Variants in GULP1 observed in about 807,000 individuals in gnomAD.
The protein encoded by GULP1 is PTB domain-containing engulfment adapter protein 1.
GULP1 carries 19 observed loss-of-function variants against 40.9 expected under a neutral mutation model. The ratio of observed to expected loss-of-function variants is 0.46; its 90% CI spans 0.32 to 0.68. GULP1 has a LOEUF of 0.68. Ranked by LOEUF, GULP1 falls within the 30% of genes least tolerant of loss-of-function variation. The pLI is 0.03. For missense variants in GULP1, 312 were observed against 362.2 expected (o/e 0.86, Z 1.12); for synonymous variants, 119 against 117.6 (o/e 1.01, Z -0.08).
intron 4 of GULP1, among the ~76,000 whole-genome samples, chr2:188,503,058 C>T (rs2063578442): frequency 1.3e-5 from 2 of 151,896 alleles, no homozygotes; most frequent in Admixed American, 1.3e-4. Context: ...CTAAAGGTCT[C>T]ACGTTTTAAT....
chr2:188,329,947 A>G (rs2041330717), intron 1 of GULP1, among the ~76,000 whole-genome samples: 1 of 152,100 alleles, frequency 6.6e-6, no homozygotes, highest in South Asian at 2.1e-4. Flanking sequence ...GTTTAGGGAG[A>G]AAGATCAGGA....
At chr2:188,489,771 A>G (rs923165010) in intron 4 of GULP1, among the ~76,000 whole-genome samples, 2 of 152,056 alleles carry the variant, frequency 1.3e-5, no homozygotes, top group East Asian at 3.9e-4. Context: ...GTGGGAAACT[A>G]TATGGTGTTT....
chr2:188,323,026 A>G (rs1407929111), intron 1 of GULP1, among the ~76,000 whole-genome samples: 1 of 151,976 alleles, frequency 6.6e-6, no homozygotes, highest in Non-Finnish European at 1.5e-5. Context: ...CTGGACAATC[A>G]CTGCATCCTT....
chr2:188,566,568 G>T (rs778179006), intron 7 of GULP1, among the ~76,000 whole-genome samples: 1 of 151,888 alleles, frequency 6.6e-6, no homozygotes, highest in East Asian at 1.9e-4. Context: ...GGCCAAGGCG[G>T]GTGGATCACC....
At chr2:188,540,292 G>A (rs541577290) in intron 6 of GULP1, among the ~76,000 whole-genome samples, 6 of 151,878 alleles carry the variant, frequency 4.0e-5, no homozygotes, top group South Asian at 2.1e-4. Flanking sequence ...TAATTAACAC[G>A]GATGATCTAT....
At chr2:188,561,179 C>A (rs951056682) in intron 7 of GULP1, among the ~76,000 whole-genome samples, 1 of 152,170 alleles carries the variant, frequency 6.6e-6, no homozygotes, top group Non-Finnish European at 1.5e-5. Context: ...GTGGGCTGAT[C>A]ATGCCTATCT....
chr2:188,328,921 T>G (rs892390319), intron 1 of GULP1, among the ~76,000 whole-genome samples: 5 of 152,178 alleles, frequency 3.3e-5, no homozygotes, highest in African/African-American at 1.2e-4. Flanking sequence ...CTTTTCCACT[T>G]TTTAGAAGTC....
intron 2 of GULP1, among the ~76,000 whole-genome samples, chr2:188,475,102 A>G (rs1559284131): frequency 6.6e-6 from 1 of 152,236 alleles, no homozygotes; most frequent in Non-Finnish European, 1.5e-5. Flanking sequence ...ACGTTGGGGT[A>G]CTGAACAAAG....
chr2:188,310,816 T>C (rs2037960623), intron 1 of GULP1, among the ~76,000 whole-genome samples: 1 of 152,102 alleles, frequency 6.6e-6, no homozygotes, highest in South Asian at 2.1e-4. Flanking sequence ...ATAATTTCAA[T>C]ACCAGAGGGA....
intron 1 of GULP1, among the ~76,000 whole-genome samples, chr2:188,349,173 T>C (rs1193814323): frequency 1.3e-5 from 2 of 152,244 alleles, no homozygotes; most frequent in Non-Finnish European, 2.9e-5. Flanking sequence ...ATTTGGGTTG[T>C]TTCCACAGTT....
At chr2:188,472,998 A>T (rs2060713369) in intron 2 of GULP1, among the ~76,000 whole-genome samples, 1 of 151,842 alleles carries the variant, frequency 6.6e-6, no homozygotes, top group African/African-American at 2.4e-5. Context: ...TTTGGGGGGG[A>T]CCCCAAGCCC....
chr2:188,309,629 A>G (rs550597208), intron 1 of GULP1, among the ~76,000 whole-genome samples: 98 of 152,300 alleles, frequency 6.4e-4, no homozygotes, highest in African/African-American at 2.2e-3. Context: ...GATCAGGGCT[A>G]TTGTTGAAGA....
At chr2:188,455,903 A>G (rs1199683433) in intron 2 of GULP1, among the ~76,000 whole-genome samples, 1 of 152,186 alleles carries the variant, frequency 6.6e-6, no homozygotes, top group East Asian at 1.9e-4. Context: ...TCTCAGGTGA[A>G]GAGGAGGAAC....
intron 1 of GULP1, among the ~76,000 whole-genome samples, chr2:188,316,128 G>A (rs1306913562): frequency 1.3e-5 from 2 of 152,148 alleles, no homozygotes; most frequent in South Asian, 2.1e-4. Context: ...TGAATAGAAT[G>A]TATAGCTCTC....
At chr2:188,592,309 A>AT (rs1308355709) in intron 11 of GULP1, 2 of 152,022 alleles carry the variant, frequency 1.3e-5, no homozygotes, top group African/African-American at 4.8e-5. Flanking sequence ...TGTATCATCT[A>AT]TTTACCATTT....
chr2:188,444,973 AT>A lies in GULP1; in HGVS notation c.-44-32684del, dbSNP rs1328636810. Among the ~76,000 whole-genome samples the A allele has an allele frequency of 2.0e-5, 3 of 152,164 alleles. 1 individual carries two copies. The highest frequency in any genetic ancestry group is 4.4e-5 in the Non-Finnish European group (3 of 68,024). On this transcript the variant is annotated intron_variant, in intron 2 of 11. Coordinates refer to ENST00000409830, the MANE Select transcript of GULP1 (RefSeq NM_016315.4). ...AGAAATTTTAAAGCAGACTCAACTGATTGTCACCTATTATTTAATGTTAATA... is the reference window on the plus strand; with the variant it reads ...AGAAATTTTAAAGCAGACTCAACTGATGTCACCTATTATTTAATGTTAATA...
chr2:188,359,027 T>C (rs953449315), intron 1 of GULP1, among the ~76,000 whole-genome samples: 2 of 152,146 alleles, frequency 1.3e-5, no homozygotes, highest in Non-Finnish European at 2.9e-5. Context: ...CAAAAAATGC[T>C]AACATAATTA....
intron 1 of GULP1, among the ~76,000 whole-genome samples, chr2:188,365,026 T>C (rs2046605476): frequency 6.6e-6 from 1 of 152,024 alleles, no homozygotes; most frequent in Non-Finnish European, 1.5e-5. Flanking sequence ...CTTTAATCAG[T>C]GATCTAAGTT....
chr2:188,386,503 A>G (rs867519415), intron 2 of GULP1, among the ~76,000 whole-genome samples: 1 of 152,170 alleles, frequency 6.6e-6, no homozygotes, highest in African/African-American at 2.4e-5. Flanking sequence ...TTCTTTGAGA[A>G]TATGAATTAG....
Sources: allele counts gnomAD v4.1 joint callset (sites outside exome capture counted in the v4.1 genomes callset), GRCh38; gene constraint gnomAD v4.1.1; transcripts MANE v1.5; gene names NCBI Gene and HGNC (gene_info 2026-07-23, HGNC 2026-07-21).